Variants in GDAP1L1 observed in about 807,000 individuals in gnomAD.
GDAP1L1 encodes ganglioside induced differentiation associated protein 1 like 1.
A neutral mutation model predicts 37.1 loss-of-function variants in GDAP1L1; 21 were observed. The ratio of observed to expected loss-of-function variants is 0.57; its 90% CI spans 0.40 to 0.81. The LOEUF (loss-of-function observed/expected upper bound fraction) is 0.81. Among genes scored for constraint, GDAP1L1 ranks in the 40% least tolerant of loss-of-function variants. GDAP1L1 has a pLI of 0.00. For synonymous variants in GDAP1L1, 193 were observed against 209.1 expected, an observed-to-expected ratio of 0.92 and a Z score of 0.67; for missense variants, 362 against 491.6, an observed-to-expected ratio of 0.74 and a Z score of 2.49.
chr20:44,250,278 C>CACTG (rs2073415309), intron 1 of GDAP1L1, among the ~76,000 whole-genome samples: 1 of 152,194 alleles, frequency 6.6e-6, no homozygotes, highest in South Asian at 2.1e-4. Context: ...TCAGCTCTAC[C>CACTG]ACTGACCAGC....
In GDAP1L1 at chr20:44,257,158, G is replaced by T; in HGVS notation, c.186G>T (p.Arg62=). ...WTQSFSSQKV[R]LVIAEKGLVC... Reference sequence around the variant, plus strand: ...TCTGACCCTGGCGCCTGCAGGTGCGGCTGGTGATCGCCGAGAAGGGCCTGG... The same window carrying T: ...TCTGACCCTGGCGCCTGCAGGTGCGTCTGGTGATCGCCGAGAAGGGCCTGG... The change falls in exon 2 of 6, where the codon CGG becomes CGT. Residue 62 remains arginine, a synonymous_variant. Transcript: ENST00000342560. 1.3e-6 allele frequency: 2 copies of T among 1,588,952 alleles called. No homozygotes were observed. The highest frequency in any genetic ancestry group is 1.7e-6 in the Non-Finnish European group (2 of 1,169,822).
intron 5 of GDAP1L1, chr20:44,264,819 C>A: frequency 1.8e-6 from 2 of 1,141,212 alleles, no homozygotes; most frequent in Non-Finnish European, 2.3e-6. Flanking sequence ...CCTCAAAGAG[C>A]TGTTGAGACA....
intron 1 of GDAP1L1, among the ~76,000 whole-genome samples, chr20:44,255,228 G>C (rs2073515577): frequency 6.6e-6 from 1 of 152,132 alleles, no homozygotes; most frequent in Non-Finnish European, 1.5e-5. Flanking sequence ...CACTGGATAA[G>C]AGGGGAAACT....
At chr20:44,250,895 C>A (rs2073428823) in intron 1 of GDAP1L1, among the ~76,000 whole-genome samples, 2 of 152,238 alleles carry the variant, frequency 1.3e-5, no homozygotes, top group South Asian at 4.2e-4. Context: ...GCTGTGTGAC[C>A]TGACCCTCTC....
At chr20:44,275,024 C>G (rs2062558606) in intron 5 of GDAP1L1, among the ~76,000 whole-genome samples, 1 of 152,128 alleles carries the variant, frequency 6.6e-6, no homozygotes, top group African/African-American at 2.4e-5. Context: ...TCCCTAGTAG[C>G]TGGGACCACA....
At chr20:44,264,296 G>A (rs931358054) in intron 4 of GDAP1L1, 149 bp from the exon 5 acceptor site, 23 of 1,196,984 alleles carry the variant, frequency 1.9e-5, no homozygotes, top group East Asian at 4.0e-5. Context: ...CCAGATGAGG[G>A]TGCTTCATAA....
intron 1 of GDAP1L1, 86 bp downstream of exon 1, chr20:44,247,600 G>A (rs1402374113): frequency 3.9e-6 from 5 of 1,281,032 alleles, no homozygotes; most frequent in African/African-American, 1.5e-5. Flanking sequence ...TGAGGGCGGC[G>A]AAAGACTGGA....
At chr20:44,247,230 A>G, upstream of GDAP1L1, 1 of 1,090,984 alleles carries the variant, frequency 9.2e-7, no homozygotes, top group Non-Finnish European at 1.4e-6. Context: ...CGGAGCGGGG[A>G]GGGAGGGAGG....
chr20:44,260,296 A>AAAC (rs1216728650), intron 3 of GDAP1L1, among the ~76,000 whole-genome samples: 1 of 151,740 alleles, frequency 6.6e-6, no homozygotes, highest in Non-Finnish European at 1.5e-5. Context: ...AAAAAAAAAA[A>AAAC]AACAACATCT....
At chr20:44,265,706 C>T (rs140908014) in intron 5 of GDAP1L1, among the ~76,000 whole-genome samples, 198 of 152,272 alleles carry the variant, frequency 1.3e-3, no homozygotes, top group Middle Eastern at 0.01. Flanking sequence ...ACTGCCTGTC[C>T]CATTACTAGT....
At chr20:44,258,845 C>A (rs2073617131) in intron 3 of GDAP1L1, among the ~76,000 whole-genome samples, 1 of 151,998 alleles carries the variant, frequency 6.6e-6, no homozygotes, top group South Asian at 2.1e-4. Context: ...TGCTTGCCAT[C>A]CCCTTCACCC....
chr20:44,264,575 G>A lies in GDAP1L1; in HGVS notation c.760+16G>A, dbSNP rs2073731474. ...GAGAACGAGGGTGGGTGCCAGCCCTGGGGGAGGTGGGGGCTGCAGCCCACC... is the reference window on the plus strand; with the variant it reads ...GAGAACGAGGGTGGGTGCCAGCCCTAGGGGAGGTGGGGGCTGCAGCCCACC... On this transcript the variant is annotated intron_variant, in intron 5 of 5. Transcript: ENST00000342560. 1.9e-6 allele frequency: 3 copies of A among 1,607,088 alleles called. No individual in the cohort carries two copies. The East Asian group carries it at 6.7e-5, about 36-fold the overall frequency.
At chr20:44,275,413 G>A (rs1027254370) in intron 5 of GDAP1L1, among the ~76,000 whole-genome samples, 7 of 152,110 alleles carry the variant, frequency 4.6e-5, no homozygotes, top group Admixed American at 2.0e-4. Flanking sequence ...AGGTTTTGAC[G>A]GTAGGGAGCA....
At position 44,258,481 on chromosome 20, in the gene GDAP1L1, C is replaced by A. The variant is rs754794599; in HGVS notation, c.421C>A (p.Arg141=). The A allele has an allele frequency of 1.0e-5, 16 of 1,553,808 alleles. No individual in the cohort carries two copies. The highest frequency in any genetic ancestry group is 1.4e-5 in the Non-Finnish European group (16 of 1,147,710). ...MPEVGSLQHA[R]VLQYRELLDA... is the part of the protein sequence containing the mutation. ...CGAGGTGGGCAGCCTGCAGCACGCA[C>A]GGGTGCTGCAGTACCGGGAGCTGCT... Residue 141 remains arginine (R), a synonymous_variant, in exon 3 of 6, where the codon CGG becomes AGG. Coordinates refer to ENST00000342560, the MANE Select transcript of GDAP1L1 (RefSeq NM_024034.6).
intron 1 of GDAP1L1, among the ~76,000 whole-genome samples, chr20:44,255,666 G>A (rs921362187): frequency 4.0e-5 from 6 of 150,782 alleles, no homozygotes; most frequent in African/African-American, 1.5e-4. Flanking sequence ...ACGCTGCATT[G>A]CCTCTTCTGG....
chr20:44,253,784 G>A (rs1384816458), intron 1 of GDAP1L1, among the ~76,000 whole-genome samples: 5 of 152,240 alleles, frequency 3.3e-5, no homozygotes, highest in African/African-American at 4.8e-5. Flanking sequence ...CTGTAGCTCA[G>A]CTAAAGGTGA....
Position 44,258,614 on chromosome 20 carries a change from G to C in GDAP1L1, c.547+7G>C, listed in dbSNP as rs772627562. The C allele has an allele frequency of 1.3e-6, 2 of 1,590,460 alleles. No homozygotes were observed. Among genetic ancestry groups the C allele is most frequent in the Non-Finnish European group, 1.7e-6 (2 of 1,167,682 alleles). ...GCCACGGCCGAGATCCGCAGTGAGT[G>C]CCAGGGCGGCGAGACAGCCCCTCTG... On this transcript the variant is annotated splice_region_variant and intron_variant, in intron 3 of 5. Coordinates refer to ENST00000342560, the MANE Select transcript of GDAP1L1 (RefSeq NM_024034.6).
At chr20:44,248,427 C>A (rs933421649) in intron 1 of GDAP1L1, among the ~76,000 whole-genome samples, 2 of 152,242 alleles carry the variant, frequency 1.3e-5, no homozygotes, top group African/African-American at 4.8e-5. Context: ...TCCTCTTCTT[C>A]CTGGAAGATC....
intron 4 of GDAP1L1, 48 bp downstream of exon 4, chr20:44,263,375 A>T (rs1473983331): frequency 1.7e-6 from 2 of 1,197,566 alleles, no homozygotes; most frequent in Non-Finnish European, 2.5e-6. Flanking sequence ...GAGCTCTTCC[A>T]CGGAAATGAA....
Sources: allele counts gnomAD v4.1 joint callset (sites outside exome capture counted in the v4.1 genomes callset), GRCh38; gene constraint gnomAD v4.1.1; transcripts MANE v1.5; gene names NCBI Gene and HGNC (gene_info 2026-07-23, HGNC 2026-07-21).